Variants in CACNA2D3 observed in about 807,000 individuals in gnomAD.
The protein encoded by CACNA2D3 is calcium voltage-gated channel auxiliary subunit alpha2delta 3, also known as voltage-dependent calcium channel subunit alpha-2/delta-3.
A neutral mutation model predicts 160.6 loss-of-function variants in CACNA2D3; 60 were observed. The observed-to-expected ratio is 0.37, with a 90% confidence interval of 0.30 to 0.46. The LOEUF (loss-of-function observed/expected upper bound fraction) is 0.46, where lower values mean the gene tolerates loss of function less well. Among genes scored for constraint, CACNA2D3 ranks in the 20% least tolerant of loss-of-function variants. The pLI is 1.00. For synonymous variants in CACNA2D3, 558 were observed against 492.9 expected (o/e 1.13, Z -1.75); for missense variants, 1,205 against 1,365.0 (o/e 0.88, Z 1.85).
intron 4 of CACNA2D3, among the ~76,000 whole-genome samples, chr3:54,394,567 G>T (rs1482879537): frequency 8.1e-6 from 1 of 122,886 alleles, no homozygotes; most frequent in African/African-American, 3.3e-5. Flanking sequence ...AGAATATGCG[G>T]TGTTTGGTTT....
At chr3:54,894,076 C>T (rs373713076) in intron 25 of CACNA2D3, among the ~76,000 whole-genome samples, 14 of 152,072 alleles carry the variant, frequency 9.2e-5, no homozygotes, top group African/African-American at 2.9e-4. Context: ...AAATGGGGGT[C>T]GGAGACTCAA....
At chr3:54,387,623 G>T (rs6767054) in intron 4 of CACNA2D3, among the ~76,000 whole-genome samples, 68,178 of 152,052 alleles carry the variant, frequency 0.45, 16,214 homozygotes, top group Non-Finnish European at 0.54. Context: ...TTGCACTGCA[G>T]CCTGGGTGAC....
At chr3:54,295,452 C>T (rs1386601821) in intron 2 of CACNA2D3, among the ~76,000 whole-genome samples, 1 of 152,100 alleles carries the variant, frequency 6.6e-6, no homozygotes, top group East Asian at 1.9e-4. Flanking sequence ...CGGGGCACAG[C>T]TTGGTTTTAT....
intron 35 of CACNA2D3, among the ~76,000 whole-genome samples, chr3:55,032,133 G>A (rs1013421005): frequency 3.3e-5 from 5 of 152,088 alleles, no homozygotes; most frequent in Non-Finnish European, 7.3e-5. Context: ...TCACCAAGGG[G>A]AACTTGAGGC....
At chr3:54,194,796 C>T (rs1465840248) in intron 2 of CACNA2D3, among the ~76,000 whole-genome samples, 1 of 152,310 alleles carries the variant, frequency 6.6e-6, no homozygotes, top group South Asian at 2.1e-4. Flanking sequence ...TAAGGGCTCT[C>T]ATCCCATCCT....
chr3:54,428,935 G>A (rs932150860), intron 4 of CACNA2D3, among the ~76,000 whole-genome samples: 3 of 152,156 alleles, frequency 2.0e-5, no homozygotes, highest in Non-Finnish European at 4.4e-5. Context: ...TTACCATTGG[G>A]GCTTTGCCCT....
intron 11 of CACNA2D3, among the ~76,000 whole-genome samples, chr3:54,663,319 G>T (rs578152378): frequency 6.6e-6 from 1 of 152,258 alleles, no homozygotes; most frequent in Admixed American, 6.5e-5. Flanking sequence ...TGTTTTAGAG[G>T]CAGTGTGGCA....
In CACNA2D3 at chr3:54,123,720, G is replaced by C. The variant is rs534105863; in HGVS notation, c.204+126G>C. Reference sequence around the variant, plus strand: ...TATCGGAGGACTCTCTGATCCCCGGGTTTCTTGGCATTGTACTATGCAGTG... The same window carrying C: ...TATCGGAGGACTCTCTGATCCCCGGCTTTCTTGGCATTGTACTATGCAGTG... On this transcript the variant is annotated intron_variant, in intron 2 of 37. Transcript: ENST00000474759. The C allele has an allele frequency of 1.1e-5, 9 of 791,906 alleles. No homozygotes were observed. In the East Asian group the frequency reaches 2.0e-4, roughly 17 times the overall value. The allele number at this position is 791,906 out of a possible 1,614,324, so 49.1% of individuals were successfully genotyped here. A position where few individuals can be genotyped will look rare whatever the true frequency, so the allele number is the denominator to read the frequency against.
rs568738920 is a variant in CACNA2D3 at position 54,138,164 on chromosome 3, G to T, written c.204+14570G>T. ...AACACAGCTAATAAGTGGTGGCCTC[G>T]ATTTGTGAATCCAGCGCTGTCTGAA... is the stretch of plus-strand genomic sequence containing the variant. On this transcript the variant is annotated intron_variant, in intron 2 of 37. Coordinates refer to ENST00000474759, the MANE Select transcript of CACNA2D3 (RefSeq NM_018398.3). Among the ~76,000 whole-genome samples the T allele has an allele frequency of 2.6e-5, 4 of 152,346 alleles. No individual in the cohort carries two copies. In the East Asian group the frequency reaches 5.8e-4, roughly 22 times the overall value.
chr3:54,799,234 A>C (rs1702932185), intron 13 of CACNA2D3, among the ~76,000 whole-genome samples: 1 of 152,198 alleles, frequency 6.6e-6, no homozygotes, highest in East Asian at 1.9e-4. Context: ...AGTTGTTTTT[A>C]TATTATAGAC....
intron 2 of CACNA2D3, among the ~76,000 whole-genome samples, chr3:54,293,563 T>TTATATATA (rs35283142): frequency 0.012 from 1,792 of 149,754 alleles, 42 homozygotes; most frequent in Admixed American, 0.052. Context: ...TAATATTCTA[T>TTATATATA]TATATATATA....
chr3:54,781,985 T>G (rs560182272), intron 13 of CACNA2D3, among the ~76,000 whole-genome samples: 17 of 152,312 alleles, frequency 1.1e-4, no homozygotes, highest in African/African-American at 4.1e-4. Context: ...AAGTACTTAT[T>G]TGGGTGTTTG....
intron 5 of CACNA2D3, among the ~76,000 whole-genome samples, chr3:54,515,653 T>A (rs993163574): frequency 6.6e-6 from 1 of 152,200 alleles, no homozygotes; most frequent in African/African-American, 2.4e-5. Flanking sequence ...GTAGTTATTT[T>A]AAGATGAATG....
chr3:54,748,327 C>T (rs1701794353), intron 11 of CACNA2D3, among the ~76,000 whole-genome samples: 1 of 152,162 alleles, frequency 6.6e-6, no homozygotes, highest in Non-Finnish European at 1.5e-5. Flanking sequence ...GTACCCCTCT[C>T]AGTTTCTGAT....
At chr3:54,857,554 C>T (rs778247250) in intron 17 of CACNA2D3, among the ~76,000 whole-genome samples, 8 of 152,316 alleles carry the variant, frequency 5.3e-5, no homozygotes, top group Non-Finnish European at 1.0e-4. Flanking sequence ...CACAGTTGCC[C>T]GTAGTGGTAA....
At chr3:54,565,331 T>C (rs1702392424) in intron 6 of CACNA2D3, among the ~76,000 whole-genome samples, 1 of 152,122 alleles carries the variant, frequency 6.6e-6, no homozygotes, top group Non-Finnish European at 1.5e-5. Flanking sequence ...GGGTGATCAC[T>C]GAGAAGGATC....
intron 27 of CACNA2D3, among the ~76,000 whole-genome samples, chr3:54,905,202 G>T (rs1700427360): frequency 6.6e-6 from 1 of 152,180 alleles, no homozygotes; most frequent in Non-Finnish European, 1.5e-5. Context: ...CTTTAGATCT[G>T]TTACTGGAGA....
chr3:54,910,754 A>G (rs1305729770), intron 27 of CACNA2D3, among the ~76,000 whole-genome samples: 1 of 152,148 alleles, frequency 6.6e-6, no homozygotes, highest in East Asian at 1.9e-4. Flanking sequence ...TAGGCCTGTC[A>G]AATTCATTAG....
chr3:54,820,027 C>A (rs1220013277), intron 14 of CACNA2D3, among the ~76,000 whole-genome samples: 1 of 152,130 alleles, frequency 6.6e-6, no homozygotes, highest in Non-Finnish European at 1.5e-5. Context: ...TCATCTGTGG[C>A]CATGATTCTA....
Sources: allele counts gnomAD v4.1 joint callset (sites outside exome capture counted in the v4.1 genomes callset), GRCh38; gene constraint gnomAD v4.1.1; transcripts MANE v1.5; gene names NCBI Gene and HGNC (gene_info 2026-07-23, HGNC 2026-07-21).